The following SLC9A9 variants were observed in gnomAD, a reference collection of about 807,000 sequenced individuals.
The protein encoded by SLC9A9 is sodium/hydrogen exchanger 9.
A neutral mutation model predicts 77.8 loss-of-function variants in SLC9A9; 62 were observed. The ratio of observed to expected loss-of-function variants is 0.80; its 90% CI spans 0.65 to 0.98. The LOEUF is 0.98. Among genes scored for constraint, SLC9A9 ranks in the 50% least tolerant of loss-of-function variants. SLC9A9 has a pLI of 0.00. For missense variants in SLC9A9, 775 were observed against 774.9 expected (o/e 1.00, Z 0.00); for synonymous variants, 320 against 283.5 (o/e 1.13, Z -1.29).
intron 12 of SLC9A9, among the ~76,000 whole-genome samples, chr3:143,392,404 A>C (rs2033594837): frequency 4.6e-5 from 7 of 152,232 alleles, no homozygotes; most frequent in Admixed American, 4.6e-4. Context: ...AAAGACTGAG[A>C]GATTTTGTCA....
intron 4 of SLC9A9, among the ~76,000 whole-genome samples, chr3:143,788,680 G>C (rs540287613): frequency 1.8e-3 from 152 of 86,264 alleles, no homozygotes; most frequent in African/African-American, 7.1e-3. Context: ...GACAGAGTGA[G>C]ACTCCATCAA....
intron 13 of SLC9A9, among the ~76,000 whole-genome samples, chr3:143,378,116 G>T (rs1439751976): frequency 6.6e-6 from 1 of 152,176 alleles, no homozygotes. Flanking sequence ...CTGTGATCAT[G>T]CTTTGAATGT....
At chr3:143,574,297 T>C in intron 7 of SLC9A9, 104 bp from the exon 8 acceptor site, 1 of 930,066 alleles carries the variant, frequency 1.1e-6, no homozygotes, top group Non-Finnish European at 1.7e-6. Context: ...TAGAGCAAAG[T>C]AAAAGAACTG....
chr3:143,648,620 C>T (rs1329737290), intron 6 of SLC9A9, among the ~76,000 whole-genome samples: 1 of 152,172 alleles, frequency 6.6e-6, no homozygotes, highest in East Asian at 1.9e-4. Context: ...ATCCACTTTT[C>T]CATTATCATG....
intron 5 of SLC9A9, among the ~76,000 whole-genome samples, chr3:143,672,823 C>T (rs751962421): frequency 6.6e-6 from 1 of 152,160 alleles, no homozygotes; most frequent in South Asian, 2.1e-4. Context: ...ATTTCTCCCC[C>T]CAACCTTTAA....
chr3:143,492,623 T>C (rs1375787659), intron 11 of SLC9A9, among the ~76,000 whole-genome samples: 3 of 152,216 alleles, frequency 2.0e-5, no homozygotes, highest in Non-Finnish European at 4.4e-5. Flanking sequence ...CATTTGTTCT[T>C]GACCAAGTTT....
chr3:143,268,850 C>T, intron 15 of SLC9A9, 25 bp downstream of exon 15: 1 of 1,572,640 alleles, frequency 6.4e-7, no homozygotes, highest in Non-Finnish European at 8.7e-7. Context: ...TATTCCCTCA[C>T]CCTAGAGGCC....
intron 5 of SLC9A9, among the ~76,000 whole-genome samples, chr3:143,689,577 TA>T (rs1933390279): frequency 6.6e-6 from 1 of 151,982 alleles, no homozygotes; most frequent in Non-Finnish European, 1.5e-5. Context: ...GCTATTTTTT[TA>T]TTTTTTATTT....
At chr3:143,531,200 C>T (rs776749768) in intron 9 of SLC9A9, among the ~76,000 whole-genome samples, 6 of 152,194 alleles carry the variant, frequency 3.9e-5, no homozygotes, top group Admixed American at 2.6e-4. Flanking sequence ...GAATCTGATA[C>T]ATCAACTCAT....
At chr3:143,306,705 C>A (rs2030800608) in intron 14 of SLC9A9, among the ~76,000 whole-genome samples, 1 of 152,142 alleles carries the variant, frequency 6.6e-6, no homozygotes, top group Non-Finnish European at 1.5e-5. Context: ...TCCCCGCTTG[C>A]CCTCTTGTCC....
intron 14 of SLC9A9, among the ~76,000 whole-genome samples, chr3:143,300,559 G>A (rs888828687): frequency 6.6e-6 from 1 of 152,204 alleles, no homozygotes; most frequent in Non-Finnish European, 1.5e-5. Context: ...GCCTGGGGTG[G>A]GGCCTGAGAT....
intron 4 of SLC9A9, among the ~76,000 whole-genome samples, chr3:143,750,733 C>G (rs200981841): frequency 1.6e-4 from 23 of 146,516 alleles, no homozygotes; most frequent in African/African-American, 5.0e-4. Context: ...AAATATATAT[C>G]TATATATATA....
intron 4 of SLC9A9, among the ~76,000 whole-genome samples, chr3:143,747,143 C>A (rs1015216698): frequency 2.6e-5 from 4 of 152,094 alleles, no homozygotes; most frequent in African/African-American, 9.7e-5. Flanking sequence ...GGGTGGCTCA[C>A]GCCTGCAATC....
At chr3:143,562,751 T>G (rs2037107958) in intron 8 of SLC9A9, among the ~76,000 whole-genome samples, 1 of 151,446 alleles carries the variant, frequency 6.6e-6, no homozygotes, top group African/African-American at 2.4e-5. Context: ...AAACAAGCAA[T>G]CCTTAAATGC....
intron 11 of SLC9A9, among the ~76,000 whole-genome samples, chr3:143,483,142 C>T (rs759316439): frequency 1.3e-5 from 2 of 152,228 alleles, no homozygotes; most frequent in Non-Finnish European, 2.9e-5. Context: ...AGATTCCTGA[C>T]GTTGACACCC....
chr3:143,560,631 T>G (rs2037067001), intron 8 of SLC9A9, among the ~76,000 whole-genome samples: 1 of 152,030 alleles, frequency 6.6e-6, no homozygotes, highest in Admixed American at 6.5e-5. Flanking sequence ...TAAAATTATT[T>G]CCTTTTCATC....
intron 4 of SLC9A9, among the ~76,000 whole-genome samples, chr3:143,736,310 G>T (rs1934940397): frequency 1.3e-5 from 2 of 152,110 alleles, no homozygotes; most frequent in South Asian, 4.1e-4. Flanking sequence ...CTTCTAGAAT[G>T]GGAGTTTTCT....
chr3:143,533,369 T>C (rs1217831962), intron 9 of SLC9A9, among the ~76,000 whole-genome samples: 1 of 152,212 alleles, frequency 6.6e-6, no homozygotes, highest in Non-Finnish European at 1.5e-5. Context: ...CTATGAAGAC[T>C]GACCTCAAGA....
intron 4 of SLC9A9, among the ~76,000 whole-genome samples, chr3:143,716,280 T>A (rs1329344768): frequency 6.6e-6 from 1 of 152,026 alleles, no homozygotes; most frequent in African/African-American, 2.4e-5. Context: ...CCCTATGTTG[T>A]CTGAGCTGGT....
Sources: gnomAD v4.1 joint callset for allele counts (sites outside exome capture counted in the v4.1 genomes callset) on GRCh38, gnomAD v4.1.1 for gene constraint, MANE v1.5 for transcripts, NCBI Gene and HGNC (gene_info 2026-07-23, HGNC 2026-07-21) for gene names.